SLC22A5: variants seen among roughly 807,000 people sequenced by gnomAD.
SLC22A5 encodes solute carrier family 22 member 5.
SLC22A5 carries 44 observed loss-of-function variants against 56.7 expected under a neutral mutation model. That is an observed-to-expected ratio of 0.78 (90% confidence interval 0.61 to 1.00). The LOEUF (loss-of-function observed/expected upper bound fraction) is 1.00, where lower values mean the gene tolerates loss of function less well. Among genes scored for constraint, SLC22A5 ranks in the 50% least tolerant of loss-of-function variants. The pLI is 0.00. For synonymous variants in SLC22A5, 278 were observed against 292.1 expected, an observed-to-expected ratio of 0.95 and a Z score of 0.49; for missense variants, 675 against 723.0, an observed-to-expected ratio of 0.93 and a Z score of 0.76.
intron 8 of SLC22A5, among the ~76,000 whole-genome samples, chr5:132,392,822 A>T (rs181971481): frequency 5.9e-5 from 9 of 152,352 alleles, no homozygotes; most frequent in Admixed American, 1.3e-4. Context: ...TAGATTACCT[A>T]GAAATTGATG....
chr5:132,369,845 C>T lies in SLC22A5; in HGVS notation c.-128C>T. 5 of 1,250,268 alleles carry T rather than the reference C, an allele frequency of 4.0e-6. No individual in the cohort carries two copies. Among genetic ancestry groups the T allele is most frequent in the Non-Finnish European group, 5.4e-6 (5 of 929,664 alleles). The allele number at this position is 1,250,268 out of a possible 1,614,324, so 77.4% of individuals were successfully genotyped here. A position where few individuals can be genotyped will look rare whatever the true frequency, so the allele number is the denominator to read the frequency against. On this transcript the variant is annotated 5_prime_UTR_variant, in exon 1 of 10. Transcript: ENST00000245407. ...GGCGGTGTCAGCTCGCGAGCCTACC[C>T]TCCGCGGACGGTCTTGGGTCGCCTG...
At chr5:132,393,898 A>G in intron 9 of SLC22A5, 87 bp downstream of exon 9, 2 of 1,476,886 alleles carry the variant, frequency 1.4e-6, no homozygotes, top group East Asian at 2.3e-5. Flanking sequence ...GCTACTCGCA[A>G]ACTCCCTCTC....
At chr5:132,392,767 T>A in intron 8 of SLC22A5, 152 bp downstream of exon 8, 1 of 722,776 alleles carries the variant, frequency 1.4e-6, no homozygotes, top group Non-Finnish European at 2.5e-6. Context: ...GGAAGGGTTC[T>A]TGTCCCAGTG....
In SLC22A5 at chr5:132,394,604, A is replaced by C. The variant is rs1301935652; in HGVS notation, c.*332A>C. ...TGTGAGAAGCATATGCTAAATGTAC[A>C]TTTTAATTTTAGACTACTTGAAAAG... is the stretch of plus-strand genomic sequence containing the variant. On this transcript the variant is annotated 3_prime_UTR_variant, in exon 10 of 10. Transcript: ENST00000245407. 2.9e-6 allele frequency: 1 copy of C among 340,180 alleles called. No individual in the cohort carries two copies. The highest frequency in any genetic ancestry group is 5.4e-6 in the Non-Finnish European group (1 of 184,174). The allele number at this position is 340,180 out of a possible 1,614,324, so 21.1% of individuals were successfully genotyped here.
chr5:132,386,406 TTTC>T (rs2126785151), intron 4 of SLC22A5, among the ~76,000 whole-genome samples: 1 of 152,224 alleles, frequency 6.6e-6, no homozygotes, highest in African/African-American at 2.4e-5. Context: ...TTTTTTTGTA[TTTC>T]TTTGGAGAGA....
chr5:132,392,161 A>G (rs1165896367), intron 7 of SLC22A5, among the ~76,000 whole-genome samples: 1 of 152,188 alleles, frequency 6.6e-6, no homozygotes, highest in African/African-American at 2.4e-5. Flanking sequence ...AATGACTTAT[A>G]GACTGGGAAG....
At chr5:132,388,716 A>G (rs1335089182) in intron 5 of SLC22A5, among the ~76,000 whole-genome samples, 2 of 152,028 alleles carry the variant, frequency 1.3e-5, no homozygotes, top group African/African-American at 2.4e-5. Flanking sequence ...CCTCATTTTC[A>G]TTCACTCTGA....
Position 132,390,855 on chromosome 5 carries a change from C to T in SLC22A5, c.1218C>T (p.Ala406=). Reference sequence around the variant, plus strand: ...CCCGGCGCTATTCCATGGCCACTGCCCTCTTCCTGGGTGGCAGTGTCCTTC... The same window carrying T: ...CCCGGCGCTATTCCATGGCCACTGCTCTCTTCCTGGGTGGCAGTGTCCTTC... The part of the protein sequence containing the change: ...YLPRRYSMAT[A]LFLGGSVLLF... Residue 406 remains alanine, a synonymous_variant, in exon 7 of 10, where the codon GCC becomes GCT. Coordinates refer to ENST00000245407, the MANE Select transcript of SLC22A5 (RefSeq NM_003060.4). The T allele has an allele frequency of 6.2e-7, 1 of 1,614,216 alleles. No homozygotes were observed.
chr5:132,377,293 T>C (rs1443656671), intron 1 of SLC22A5: 1 of 152,206 alleles, frequency 6.6e-6, no homozygotes, highest in African/African-American at 2.4e-5. Flanking sequence ...GGGAGCCGCA[T>C]GTCCCCTTGC....
chr5:132,378,362 T>C lies in SLC22A5; in HGVS notation c.394-16T>C. Reference sequence around the variant, plus strand: ...AAAAAGAAGTGAATGATACACCCCCTTTGCTCATCTTGCAGTGGAACCTGG... The same window carrying C: ...AAAAAGAAGTGAATGATACACCCCCCTTGCTCATCTTGCAGTGGAACCTGG... On this transcript the variant is annotated splice_polypyrimidine_tract_variant and intron_variant, in intron 1 of 9. Transcript: ENST00000245407. 6.2e-7 allele frequency: 1 copy of C among 1,613,316 alleles called. No individual in the cohort carries two copies.
intron 8 of SLC22A5, among the ~76,000 whole-genome samples, chr5:132,392,865 A>G (rs976932005): frequency 2.0e-5 from 3 of 152,218 alleles, no homozygotes; most frequent in East Asian, 1.9e-4. Flanking sequence ...TGTTTTAGCC[A>G]TCCCAGGCCT....
At position 132,390,683 on chromosome 5, in the gene SLC22A5, G is replaced by T. The variant is rs747417349; in HGVS notation, c.1053-7G>T. On this transcript the variant is annotated splice_region_variant and splice_polypyrimidine_tract_variant and intron_variant, in intron 6 of 9. Transcript: ENST00000245407. ...CTTTTCCAGCTTTCTTCTGCACTCTGTTTCAGGATGACCATATCAGTGGGC... is the reference window on the plus strand; with the variant it reads ...CTTTTCCAGCTTTCTTCTGCACTCTTTTTCAGGATGACCATATCAGTGGGC... The T allele has an allele frequency of 1.2e-6, 2 of 1,606,120 alleles. No individual in the cohort carries two copies. The highest frequency in any genetic ancestry group is 2.7e-5 in the African/African-American group (2 of 74,774).
At chr5:132,392,725 A>T (rs533707123) in intron 8 of SLC22A5, 110 bp downstream of exon 8, 2 of 902,402 alleles carry the variant, frequency 2.2e-6, no homozygotes, top group African/African-American at 3.3e-5. Context: ...CATACAGTAC[A>T]TGGGCTCCAT....
At chr5:132,378,534 C>G in intron 2 of SLC22A5, 53 bp downstream of exon 2, 1 of 1,296,822 alleles carries the variant, frequency 7.7e-7, no homozygotes, top group Non-Finnish European at 1.1e-6. Flanking sequence ...GAGGAAGAAG[C>G]GTGTGCCTGG....
chr5:132,386,930 T>C (rs953909476), intron 4 of SLC22A5, 95 bp from the exon 5 acceptor site: 93 of 1,346,752 alleles, frequency 6.9e-5, no homozygotes, highest in Non-Finnish European at 9.2e-5. Context: ...GCTCTGGTTC[T>C]GCAACCTTAT....
Position 132,385,403 on chromosome 5 carries a change from A to C in SLC22A5, c.728A>C (p.Tyr243Ser), listed in dbSNP as rs1321621475. 1.2e-5 allele frequency: 20 copies of C among 1,613,926 alleles called. No homozygotes were observed. The Admixed American group carries it at 2.8e-4, about 23-fold the overall frequency. ...GTGTGCATATTTTATGCATTTGGCT[A>C]CATGGTGCTGCCACTGTTTGCTTAC... ...LGVCIFYAFGYMVLPLFAYFI... is the reference protein window; with the variant it reads ...LGVCIFYAFGSMVLPLFAYFI... Residue 243 changes from tyrosine to serine, a missense_variant, in exon 4 of 10, where the codon TAC becomes TCC. By Grantham distance (144) the Tyr-to-Ser change is moderately radical. Transcript: ENST00000245407.
chr5:132,371,765 A>T (rs1230091059), intron 1 of SLC22A5, among the ~76,000 whole-genome samples: 2 of 152,040 alleles, frequency 1.3e-5, no homozygotes, highest in African/African-American at 4.8e-5. Context: ...ACCCAGCAGG[A>T]CGGCGGAGTT....
intron 2 of SLC22A5, 113 bp from the exon 3 acceptor site, chr5:132,384,034 C>T (rs1580884207): frequency 9.4e-7 from 1 of 1,058,382 alleles, no homozygotes; most frequent in African/African-American, 1.5e-5. Context: ...AGTATTCTGG[C>T]AACACTGTTC....
chr5:132,386,086 G>A (rs762128386), intron 4 of SLC22A5, among the ~76,000 whole-genome samples: 6 of 152,192 alleles, frequency 3.9e-5, no homozygotes, highest in Non-Finnish European at 8.8e-5. Context: ...AGAGTAAGCC[G>A]CACATCATGG....
Sources: allele counts gnomAD v4.1 joint callset (sites outside exome capture counted in the v4.1 genomes callset), GRCh38; gene constraint gnomAD v4.1.1; transcripts MANE v1.5; gene names NCBI Gene and HGNC (gene_info 2026-07-23, HGNC 2026-07-21).